The following DOHH variants were observed in gnomAD, a reference collection of about 807,000 sequenced individuals.
DOHH encodes the protein deoxyhypusine hydroxylase, also known as HEAT-like (PBS lyase) repeat containing 1.
In DOHH, 16 loss-of-function variants were observed where a neutral mutation model predicts 19.9. The ratio of observed to expected loss-of-function variants is 0.80; its 90% CI spans 0.54 to 1.22. The LOEUF is 1.22. DOHH is among the 50% of genes most tolerant of loss of function. The pLI is 0.00. For synonymous variants in DOHH, 233 were observed against 217.0 expected (o/e 1.07, Z -0.65); for missense variants, 460 against 460.6 (o/e 1.00, Z 0.01).
In DOHH at chr19:3,491,445, G is replaced by A; in HGVS notation, c.*47C>T. ...TAGACGCCAAAGCTCTGCGGGGGAG[G>A]AGCGGCCCTCAAGAGTCCTCCGGGA... On this transcript the variant is annotated 3_prime_UTR_variant, in exon 5 of 5. Transcript: ENST00000427575. The surrounding 1 kb of genome is among the most constrained non-coding windows in gnomAD (Gnocchi z 5.6). 1.1e-5 allele frequency: 16 copies of A among 1,498,122 alleles called. No homozygotes were observed. Among genetic ancestry groups the A allele is most frequent in the Non-Finnish European group, 1.4e-5 (16 of 1,128,166 alleles). The allele number at this position is 1,498,122 out of a possible 1,614,324, so 92.8% of individuals were successfully genotyped here. A position where few individuals can be genotyped will look rare whatever the true frequency, so the allele number is the denominator to read the frequency against.
chr19:3,500,088 G>A (rs919731664), intron 1 of DOHH, among the ~76,000 whole-genome samples: 38 of 134,728 alleles, frequency 2.8e-4, no homozygotes, highest in South Asian at 7.3e-4. Context: ...ACAGCCAAGG[G>A]GAGAAGGGAC....
intron 3 of DOHH, 55 bp downstream of exon 3, chr19:3,493,973 G>C: frequency 6.4e-7 from 1 of 1,557,292 alleles, no homozygotes; most frequent in Non-Finnish European, 8.8e-7. Flanking sequence ...GCAGGGCTGG[G>C]CAGGGCTTCC....
At position 3,496,306 on chromosome 19, in the gene DOHH, C is replaced by T. The variant is rs1003279198; in HGVS notation, c.274+235G>A. Reference sequence around the variant, plus strand: ...AGATTACAGGCCTGAGCCACCGCCCCCTGCCCAGTTGAGGTTGTCTGGGCA... The same window carrying T: ...AGATTACAGGCCTGAGCCACCGCCCTCTGCCCAGTTGAGGTTGTCTGGGCA... On this transcript the variant is annotated intron_variant, in intron 2 of 4. Transcript: ENST00000427575. The surrounding 1 kb of genome is among the most constrained non-coding windows in gnomAD (Gnocchi z 4.8). Among the ~76,000 whole-genome samples, 87 of 152,234 alleles carry T rather than the reference C, an allele frequency of 5.7e-4. 1 individual carries two copies. The highest frequency in any genetic ancestry group is 1.8e-3 in the African/African-American group (76 of 41,462).
chr19:3,491,642 G>A lies in DOHH; in HGVS notation c.759C>T (p.Ala253=), dbSNP rs891147744. The A allele has an allele frequency of 2.0e-6, 3 of 1,534,804 alleles. No homozygotes were observed. The highest frequency in any genetic ancestry group is 2.6e-6 in the Non-Finnish European group (3 of 1,145,136). Residue 253 remains alanine, a synonymous_variant, in exon 5 of 5, where the codon GCC becomes GCT. Coordinates refer to ENST00000427575, the MANE Select transcript of DOHH (RefSeq NM_001145165.2). The surrounding 1 kb of genome is among the most constrained non-coding windows in gnomAD (Gnocchi z 5.6). ...AEALGAIARP[A]CLAALQAHAD... is the part of the protein sequence containing the mutation. ...CGTGAGCCTGCAGCGCGGCCAGGCA[G>A]GCGGGCCGGGCAATGGCGCCCAGGG... is the stretch of plus-strand genomic sequence containing the variant.
chr19:3,491,772 C>A lies in DOHH; in HGVS notation c.629G>T (p.Gly210Val). Reference sequence around the variant, plus strand: ...GTGCTGCAGCTGTCCCAGGACGTAGCCGACCTCGTGGCGGAAGAGGGCGCT... The same window carrying A: ...GTGCTGCAGCTGTCCCAGGACGTAGACGACCTCGTGGCGGAAGAGGGCGCT... ...CGSALFRHEVGYVLGQLQHEA... is the reference protein window; with the variant it reads ...CGSALFRHEVVYVLGQLQHEA... The change falls in exon 5 of 5, where the codon GGC becomes GTC. Residue 210 changes from glycine to valine, a missense_variant. Transcript: ENST00000427575. This position sits in a 1 kb window ranked among gnomAD's most constrained non-coding sequence, Gnocchi z 5.6. 1 of 1,509,312 alleles carries A rather than the reference C, an allele frequency of 6.6e-7. No homozygotes were observed. Among genetic ancestry groups the A allele is most frequent in the Admixed American group, 2.3e-5 (1 of 42,574 alleles). The allele number at this position is 1,509,312 out of a possible 1,614,324, so 93.5% of individuals were successfully genotyped here.
chr19:3,492,338 C>T lies in DOHH; in HGVS notation c.513G>A (p.Pro171=), dbSNP rs775656921. 2.6e-6 allele frequency: 4 copies of T among 1,542,598 alleles called. No individual in the cohort carries two copies. The highest frequency in any genetic ancestry group is 4.9e-5 in the East Asian group (2 of 40,428). The part of the protein sequence containing the change: ...LREALLDESR[P]LFERYRAMFA... ...ACATGGCGCGGTATCGCTCGAAGAG[C>T]GGCCGGGACTCATCCAGCAGCGCCT... Residue 171 remains proline (P), a synonymous_variant, in exon 4 of 5, where the codon CCG becomes CCA. Coordinates refer to ENST00000427575, the MANE Select transcript of DOHH (RefSeq NM_001145165.2).
In DOHH at chr19:3,491,892, T is replaced by C; in HGVS notation, c.590-81A>G. 1 of 1,324,308 alleles carries C rather than the reference T, an allele frequency of 7.6e-7. No homozygotes were observed. Among genetic ancestry groups the C allele is most frequent in the Non-Finnish European group, 9.9e-7 (1 of 1,013,660 alleles). 82.0% of individuals were successfully genotyped at this position (1,324,308 alleles called of 1,614,324 possible). A position where few individuals can be genotyped will look rare whatever the true frequency, so the allele number is the denominator to read the frequency against. On this transcript the variant is annotated intron_variant, in intron 4 of 4. Transcript: ENST00000427575. The surrounding 1 kb of genome is among the most constrained non-coding windows in gnomAD (Gnocchi z 5.6). ...TCTTTTCGAAGACATGGGGTCTTGC[T>C]ATCTTGCCCAGGCAGGTCACAAAGT...
rs555290863 is a variant in DOHH at position 3,499,908 on chromosome 19, G to A, written c.-73+653C>T. On this transcript the variant is annotated intron_variant, in intron 1 of 4. Transcript: ENST00000427575. ...ATCTACATCACTACCCTGTGAGGTA[G>A]TTACTAAGATTGTCCCCATTTTACA... Among the ~76,000 whole-genome samples the A allele has an allele frequency of 2.5e-4, 38 of 152,354 alleles. No individual in the cohort carries two copies. The South Asian group carries it at 7.7e-3, about 31-fold the overall frequency.
At chr19:3,495,440 C>T (rs978634230) in intron 2 of DOHH, among the ~76,000 whole-genome samples, 1 of 152,206 alleles carries the variant, frequency 6.6e-6, no homozygotes, top group African/African-American at 2.4e-5. Flanking sequence ...CGATGCCCGG[C>T]TTGTATCTGT....
rs777073505 is a variant in DOHH, at chr19:3,492,346, A to T, written c.505T>A (p.Ser169Thr). The stretch of plus-strand genomic sequence containing the variant: ...CGGTATCGCTCGAAGAGCGGCCGGG[A>T]CTCATCCAGCAGCGCCTCCCGCAGG... Reference protein sequence around the residue: ...GRLREALLDESRPLFERYRAM... With the variant: ...GRLREALLDETRPLFERYRAM... The change falls in exon 4 of 5, where the codon TCC (serine) becomes ACC (threonine). Residue 169 changes from serine (S) to threonine (T), a missense_variant. Transcript: ENST00000427575. 1.1e-5 allele frequency: 17 copies of T among 1,544,094 alleles called. No individual in the cohort carries two copies. In the African/African-American group the frequency reaches 2.2e-4, roughly 20 times the overall value.
chr19:3,492,602 A>T, intron 3 of DOHH, 103 bp from the exon 4 acceptor site: 1 of 936,732 alleles, frequency 1.1e-6, no homozygotes, highest in Non-Finnish European at 1.5e-6. Context: ...AGACACTGGC[A>T]GGGTGACTAA....
chr19:3,494,950 C>T (rs2082897591), intron 2 of DOHH, among the ~76,000 whole-genome samples: 1 of 151,876 alleles, frequency 6.6e-6, no homozygotes, highest in African/African-American at 2.4e-5. Context: ...GTCTCCTTCG[C>T]TGTCTAGGTC....
chr19:3,491,651 G>C lies in DOHH; in HGVS notation c.750C>G (p.Ala250=), dbSNP rs1466646749. Residue 250 remains alanine (A), a synonymous_variant, in exon 5 of 5, where the codon GCC becomes GCG. Coordinates refer to ENST00000427575, the MANE Select transcript of DOHH (RefSeq NM_001145165.2). This position sits in a 1 kb window ranked among gnomAD's most constrained non-coding sequence, Gnocchi z 5.6. ...HECAEALGAI[A]RPACLAALQA... ...GCAGCGCGGCCAGGCAGGCGGGCCG[G>C]GCAATGGCGCCCAGGGCCTCCGCGC... 3.3e-6 allele frequency: 5 copies of C among 1,534,888 alleles called. No homozygotes were observed. The highest frequency in any genetic ancestry group is 3.5e-6 in the Non-Finnish European group (4 of 1,144,950).
In DOHH at chr19:3,491,531, G is replaced by A. The variant is rs770643021; in HGVS notation, c.870C>T (p.Tyr290=). ...CGCGCAGCTGCTCCAGGCCGTCCGC[G>A]TACTGGAAGGCCCGCCCGGTCTCGT... ...YEHETGRAFQ[Y]ADGLEQLRGA... The change falls in exon 5 of 5, where the codon TAC becomes TAT. Residue 290 remains tyrosine (Y), a synonymous_variant. Coordinates refer to ENST00000427575, the MANE Select transcript of DOHH (RefSeq NM_001145165.2). The surrounding 1 kb of genome is among the most constrained non-coding windows in gnomAD (Gnocchi z 5.6). The A allele has an allele frequency of 8.9e-5, 136 of 1,535,406 alleles. No homozygotes were observed. The highest frequency in any genetic ancestry group is 1.1e-4 in the Non-Finnish European group (122 of 1,146,658).
In DOHH at chr19:3,496,679, C is replaced by T; in HGVS notation, c.136G>A (p.Ala46Thr). Residue 46 changes from alanine (A) to threonine (T), a missense_variant, in exon 2 of 5, where the codon GCC becomes ACC. By Grantham distance (58) the Ala-to-Thr change is moderately conservative. Coordinates refer to ENST00000427575, the MANE Select transcript of DOHH (RefSeq NM_001145165.2). The surrounding 1 kb of genome is among the most constrained non-coding windows in gnomAD (Gnocchi z 4.8). The part of the protein sequence containing the change: ...GPGAIAWISQ[A>T]FDDDSALLKH... ...AGCAGGGCGGAATCGTCATCGAAGG[C>T]CTGGCTGATCCATGCAATGGCGCCT... 1 of 1,613,888 alleles carries T rather than the reference C, an allele frequency of 6.2e-7. No homozygotes were observed. Among genetic ancestry groups the T allele is most frequent in the Non-Finnish European group, 8.5e-7 (1 of 1,179,980 alleles).
chr19:3,492,667 C>T lies in DOHH; in HGVS notation c.352-168G>A, dbSNP rs868088432. On this transcript the variant is annotated intron_variant, in intron 3 of 4. Transcript: ENST00000427575. Reference sequence around the variant, plus strand: ...CAGGGGTGGCTGACTTGTGAGTGACCGGGGGACTGGAGGGCTGGGGAGGGC... The same window carrying T: ...CAGGGGTGGCTGACTTGTGAGTGACTGGGGGACTGGAGGGCTGGGGAGGGC... 1.9e-4 allele frequency among the ~76,000 whole-genome samples: 29 copies of T among 152,214 alleles called. No individual in the cohort carries two copies. In the Middle Eastern group the frequency reaches 0.014, roughly 71 times the overall value.
intron 1 of DOHH, among the ~76,000 whole-genome samples, chr19:3,497,176 G>A (rs1452724445): frequency 1.3e-5 from 2 of 152,032 alleles, no homozygotes. Flanking sequence ...TGGCCCTAGC[G>A]ATCCCCACCC....
At chr19:3,495,544 T>A (rs1443827128) in intron 2 of DOHH, among the ~76,000 whole-genome samples, 1 of 152,226 alleles carries the variant, frequency 6.6e-6, no homozygotes, top group Non-Finnish European at 1.5e-5. Flanking sequence ...AAATCTAATA[T>A]ACATTAGGGA....
chr19:3,491,684 CCG>C lies in DOHH; in HGVS notation c.715_716del (p.Arg239AlafsTer32). ...LARCTENPMV[R>X]HECAEALGAI... ...CGCCCAGGGCCTCCGCGCACTCGTG[CCG>C]CACCATGGGGTTCTCGGTGCATCGG... On this transcript the variant is annotated frameshift_variant, in exon 5 of 5. Coordinates refer to ENST00000427575, the MANE Select transcript of DOHH (RefSeq NM_001145165.2). LOFTEE classifies it low-confidence loss of function (END_TRUNC). This position sits in a 1 kb window ranked among gnomAD's most constrained non-coding sequence, Gnocchi z 5.6. 6.5e-7 allele frequency: 1 copy of C among 1,533,382 alleles called. No homozygotes were observed. The highest frequency in any genetic ancestry group is 8.7e-7 in the Non-Finnish European group (1 of 1,143,054). The allele number at this position is 1,533,382 out of a possible 1,614,324, so 95.0% of individuals were successfully genotyped here. A position where few individuals can be genotyped will look rare whatever the true frequency, so the allele number is the denominator to read the frequency against.
Sources: allele counts gnomAD v4.1 joint callset (sites outside exome capture counted in the v4.1 genomes callset), GRCh38; gene constraint gnomAD v4.1.1; non-coding constraint Gnocchi (gnomAD v3.1); transcripts MANE v1.5; gene names NCBI Gene and HGNC (gene_info 2026-07-23, HGNC 2026-07-21).